ZNF385D: variants seen among roughly 807,000 people sequenced by gnomAD.
ZNF385D encodes zinc finger protein 659.
In ZNF385D, 15 loss-of-function variants were observed where a neutral mutation model predicts 35.8. That is an observed-to-expected ratio of 0.42 (90% CI 0.28 to 0.64). ZNF385D has a LOEUF of 0.64. ZNF385D is among the 30% of genes least tolerant of loss of function. The pLI is 0.23. For synonymous variants in ZNF385D, 212 were observed against 186.8 expected, an observed-to-expected ratio of 1.13 and a Z score of -1.10; for missense variants, 474 against 494.6, an observed-to-expected ratio of 0.96 and a Z score of 0.39.
chr3:21,919,411 A>T (rs895578009), intron 3 of ZNF385D, among the ~76,000 whole-genome samples: 2 of 152,234 alleles, frequency 1.3e-5, no homozygotes, highest in Admixed American at 1.3e-4. Context: ...GTGAGCTATA[A>T]CGATGTAGGC....
intron 3 of ZNF385D, among the ~76,000 whole-genome samples, chr3:22,084,050 C>T (rs184558986): frequency 2.6e-5 from 4 of 152,136 alleles, no homozygotes; most frequent in Non-Finnish European, 5.9e-5. Context: ...TTTGTCACCA[C>T]CAGGCCTGTC....
intron 3 of ZNF385D, among the ~76,000 whole-genome samples, chr3:21,765,754 G>A (rs1382293814): frequency 6.6e-6 from 1 of 151,772 alleles, no homozygotes; most frequent in Non-Finnish European, 1.5e-5. Context: ...CAGAGAGAGA[G>A]AGAATGTGCT....
At chr3:22,298,296 C>G (rs938306165) in intron 2 of ZNF385D, among the ~76,000 whole-genome samples, 1 of 150,610 alleles carries the variant, frequency 6.6e-6, no homozygotes, top group African/African-American at 2.4e-5. Flanking sequence ...GTACAATGTT[C>G]CATTTAAAAC....
At chr3:21,962,310 G>A (rs544457789) in intron 3 of ZNF385D, among the ~76,000 whole-genome samples, 2 of 152,086 alleles carry the variant, frequency 1.3e-5, no homozygotes, top group South Asian at 4.1e-4. Flanking sequence ...AGGGGTAGAA[G>A]GTAAATTCTA....
At chr3:22,355,303 T>A (rs1376502919) in intron 2 of ZNF385D, among the ~76,000 whole-genome samples, 1 of 152,058 alleles carries the variant, frequency 6.6e-6, no homozygotes, top group Non-Finnish European at 1.5e-5. Flanking sequence ...ATAACATGCA[T>A]AGTTTTTAAT....
intron 3 of ZNF385D, among the ~76,000 whole-genome samples, chr3:22,030,281 A>ACATATATATATATATGTATG (rs1559316527): frequency 2.9e-5 from 3 of 103,990 alleles, no homozygotes; most frequent in African/African-American, 1.3e-4. Flanking sequence ...ATATATATAT[A>ACATATATATATATATGTATG]TATATATATA....
intron 2 of ZNF385D, among the ~76,000 whole-genome samples, chr3:22,171,164 C>T (rs1023677177): frequency 6.6e-6 from 1 of 152,088 alleles, no homozygotes; most frequent in Non-Finnish European, 1.5e-5. Context: ...AACTTATTTC[C>T]TCCAGCGTGA....
chr3:21,967,322 T>C (rs1702968771), intron 3 of ZNF385D, among the ~76,000 whole-genome samples: 1 of 152,228 alleles, frequency 6.6e-6, no homozygotes, highest in African/African-American at 2.4e-5. Flanking sequence ...GTCTTATATG[T>C]TGGCAGCAGC....
intron 3 of ZNF385D, among the ~76,000 whole-genome samples, chr3:21,936,102 G>T (rs1701242634): frequency 6.6e-6 from 1 of 152,040 alleles, no homozygotes; most frequent in Non-Finnish European, 1.5e-5. Context: ...AGCTAACTGG[G>T]ATGAGGAGGT....
chr3:21,947,853 T>G (rs919802268), intron 3 of ZNF385D, among the ~76,000 whole-genome samples: 2 of 152,174 alleles, frequency 1.3e-5, no homozygotes, highest in Non-Finnish European at 2.9e-5. Context: ...TTTGTCTATA[T>G]TTAATAGAAT....
intron 3 of ZNF385D, among the ~76,000 whole-genome samples, chr3:21,817,227 A>T (rs1425732926): frequency 6.6e-6 from 1 of 152,196 alleles, no homozygotes; most frequent in Non-Finnish European, 1.5e-5. Context: ...AAACCATAAA[A>T]ACTCTAGAAG....
At chr3:21,459,000 T>C (rs1381011883) in intron 4 of ZNF385D, among the ~76,000 whole-genome samples, 3 of 152,214 alleles carry the variant, frequency 2.0e-5, no homozygotes, top group African/African-American at 7.2e-5. Context: ...TTGTGAAAAT[T>C]CCTCTTACAT....
intron 3 of ZNF385D, among the ~76,000 whole-genome samples, chr3:22,095,891 C>T (rs578211487): frequency 1.3e-5 from 2 of 151,730 alleles, no homozygotes; most frequent in Admixed American, 6.6e-5. Flanking sequence ...ATTCTTGTAT[C>T]ATGGAGGTGA....
rs146531417 is a variant in ZNF385D, at chr3:22,282,249, G to T, written c.106+90201C>A. ...TTTTAATTTCATTTAGTTCTGCTCT[G>T]ATCTTTGTTATTTCTTTTCTTCTGC... On this transcript the variant is annotated intron_variant, in intron 2 of 5. Transcript: ENST00000494108. 3.4e-3 allele frequency among the ~76,000 whole-genome samples: 515 copies of T among 151,956 alleles called. 6 individuals carry two copies. The highest frequency in any genetic ancestry group is 0.012 in the African/African-American group (487 of 41,480).
At chr3:22,156,339 T>G (rs1464721447) in intron 3 of ZNF385D, among the ~76,000 whole-genome samples, 1 of 152,022 alleles carries the variant, frequency 6.6e-6, no homozygotes, top group Non-Finnish European at 1.5e-5. Context: ...ATGGTCAGAA[T>G]GCCAAGCAAA....
At chr3:21,678,085 T>C (rs1279466387) in intron 1 of ZNF385D, among the ~76,000 whole-genome samples, 1 of 152,056 alleles carries the variant, frequency 6.6e-6, no homozygotes, top group Non-Finnish European at 1.5e-5. Context: ...CACAGTTTGC[T>C]ATCCCCGACA....
intron 2 of ZNF385D, among the ~76,000 whole-genome samples, chr3:22,206,410 T>G (rs1277073172): frequency 6.6e-6 from 1 of 152,006 alleles, no homozygotes; most frequent in Non-Finnish European, 1.5e-5. Context: ...AGACTTAATC[T>G]GCACTACAGA....
At chr3:22,017,264 C>G (rs1428795363) in intron 3 of ZNF385D, among the ~76,000 whole-genome samples, 1 of 152,016 alleles carries the variant, frequency 6.6e-6, no homozygotes, top group African/African-American at 2.4e-5. Context: ...ACATCACATA[C>G]AGACATAGTG....
At chr3:21,798,386 G>T (rs768680419) in intron 3 of ZNF385D, among the ~76,000 whole-genome samples, 2 of 152,124 alleles carry the variant, frequency 1.3e-5, no homozygotes, top group African/African-American at 2.4e-5. Context: ...TACGACTGAA[G>T]TCTTTGTGCT....
Sources: gnomAD v4.1 joint callset for allele counts (sites outside exome capture counted in the v4.1 genomes callset) on GRCh38, gnomAD v4.1.1 for gene constraint, MANE v1.5 for transcripts, NCBI Gene and HGNC (gene_info 2026-07-23, HGNC 2026-07-21) for gene names.